The following MYCBP2 variants were observed in gnomAD, a reference collection of about 807,000 sequenced individuals.
The protein encoded by MYCBP2 is MYC binding protein 2, also known as E3 ubiquitin-protein ligase MYCBP2.
A neutral mutation model predicts 525.3 loss-of-function variants in MYCBP2; 120 were observed. The observed-to-expected ratio is 0.23, with a 90% CI of 0.20 to 0.27. The LOEUF is 0.27. Among genes scored for constraint, MYCBP2 ranks in the 10% least tolerant of loss-of-function variants. The pLI, the probability that MYCBP2 is intolerant of heterozygous loss-of-function variation, is 1.00. For missense variants in MYCBP2, 4,149 were observed against 5,657.1 expected (o/e 0.73, Z 8.55); for synonymous variants, 1,894 against 1,955.8 (o/e 0.97, Z 0.83).
intron 3 of MYCBP2, 87 bp downstream of exon 3, chr13:77,288,074 A>C: frequency 7.6e-7 from 1 of 1,309,886 alleles, no homozygotes; most frequent in Non-Finnish European, 1.1e-6. Context: ...ACATAAAGCA[A>C]AGTATTTTAG....
intron 80 of MYCBP2, among the ~76,000 whole-genome samples, chr13:77,054,096 C>T (rs979861778): frequency 4.0e-5 from 6 of 151,734 alleles, no homozygotes; most frequent in Admixed American, 6.6e-5. Context: ...AGCTGAAGCC[C>T]GAGGTATGAC....
intron 1 of MYCBP2, among the ~76,000 whole-genome samples, chr13:77,311,913 G>A (rs1229657936): frequency 6.6e-6 from 1 of 152,002 alleles, no homozygotes; most frequent in East Asian, 1.9e-4. Context: ...TCTTCAAAGA[G>A]GATAAACTTA....
At chr13:77,262,734 T>G (rs1199005981) in intron 10 of MYCBP2, among the ~76,000 whole-genome samples, 1 of 152,034 alleles carries the variant, frequency 6.6e-6, no homozygotes, top group Non-Finnish European at 1.5e-5. Flanking sequence ...TATGCATATT[T>G]TCAAATTGTA....
intron 1 of MYCBP2, among the ~76,000 whole-genome samples, chr13:77,305,650 T>C (rs1430787757): frequency 6.6e-6 from 1 of 152,084 alleles, no homozygotes; most frequent in Admixed American, 6.5e-5. Context: ...GGTGAATTTA[T>C]GGTATGTGTA....
At chr13:77,289,409 C>T (rs2077233861) in intron 2 of MYCBP2, among the ~76,000 whole-genome samples, 1 of 151,550 alleles carries the variant, frequency 6.6e-6, no homozygotes, top group Non-Finnish European at 1.5e-5. Context: ...AATGCTGGCA[C>T]AACACTGGAA....
intron 33 of MYCBP2, among the ~76,000 whole-genome samples, chr13:77,180,641 G>A (rs2060130614): frequency 6.6e-6 from 1 of 152,016 alleles, no homozygotes; most frequent in South Asian, 2.1e-4. Context: ...AGCTTTTTTG[G>A]CTGGGCGTGG....
chr13:77,161,919 T>C lies in MYCBP2; in HGVS notation c.6584A>G (p.Glu2195Gly), dbSNP rs369775974. The C allele has an allele frequency of 3.1e-6, 5 of 1,608,832 alleles. No individual in the cohort carries two copies. The African/African-American group carries it at 6.7e-5, about 22-fold the overall frequency. ...ELEEDLEILE[E>G]AALQVCKTHS... The stretch of plus-strand genomic sequence containing the variant: ...TTGGGACAATACCTGCAATGCAGCC[T>C]CCTCAAGAATTTCAAGGTCTTCTTC... Residue 2195 changes from glutamate to glycine, a missense_variant, in exon 44 of 83, where the codon GAG becomes GGG. Coordinates refer to ENST00000544440, the MANE Select transcript of MYCBP2 (RefSeq NM_015057.5).
chr13:77,272,645 C>A (rs1037374160), intron 5 of MYCBP2, among the ~76,000 whole-genome samples: 5 of 151,988 alleles, frequency 3.3e-5, no homozygotes, highest in Admixed American at 2.0e-4. Context: ...TAAAAAGGGA[C>A]AAAAGGATTC....
rs767750508 is a variant in MYCBP2 at position 77,081,970 on chromosome 13, T to G, written c.11060A>C (p.Gln3687Pro). 1.9e-6 allele frequency: 3 copies of G among 1,613,224 alleles called. No homozygotes were observed. The highest frequency in any genetic ancestry group is 2.2e-5 in the South Asian group (2 of 90,976). ...CTGATGAAGGAACTGGTGATCAGAT[T>G]GCTTGAATTTGAGACTCCAGCACCT... ...ALRCWSLKFKQSDHQFLHQSN... is the reference protein window; with the variant it reads ...ALRCWSLKFKPSDHQFLHQSN... Residue 3687 changes from glutamine to proline, a missense_variant, in exon 64 of 83, where the codon CAA (glutamine) becomes CCA (proline). By Grantham distance (76) the Gln-to-Pro change is moderately conservative. Transcript: ENST00000544440. The surrounding 1 kb of genome is among the most constrained non-coding windows in gnomAD (Gnocchi z 4.6).
chr13:77,191,566 T>C (rs1205359222), intron 28 of MYCBP2, 113 bp downstream of exon 28: 12 of 1,232,762 alleles, frequency 9.7e-6, no homozygotes, highest in Admixed American at 2.5e-5. Flanking sequence ...AGTTATATTA[T>C]GCTCTAGTCT....
intron 26 of MYCBP2, among the ~76,000 whole-genome samples, chr13:77,204,998 T>C (rs1280605664): frequency 6.6e-6 from 1 of 151,720 alleles, no homozygotes; most frequent in Non-Finnish European, 1.5e-5. Context: ...TGTATACATA[T>C]GTAACTAACC....
intron 38 of MYCBP2, among the ~76,000 whole-genome samples, chr13:77,170,837 A>C (rs1298559898): frequency 6.6e-6 from 1 of 152,022 alleles, no homozygotes; most frequent in African/African-American, 2.4e-5. Context: ...GGCCTCCCAA[A>C]GTGCTGGGAT....
chr13:77,252,410 T>G (rs567884943), intron 14 of MYCBP2, among the ~76,000 whole-genome samples: 100 of 152,296 alleles, frequency 6.6e-4, no homozygotes, highest in African/African-American at 2.3e-3. Context: ...TATAATGTAG[T>G]AAGAAAGACA....
intron 69 of MYCBP2, among the ~76,000 whole-genome samples, chr13:77,069,130 A>G (rs1270505089): frequency 6.6e-6 from 1 of 152,168 alleles, no homozygotes; most frequent in East Asian, 1.9e-4. Context: ...CAATCACCAT[A>G]TTTTATCACT....
At chr13:77,322,432 A>G (rs2081782565) in intron 1 of MYCBP2, among the ~76,000 whole-genome samples, 1 of 152,136 alleles carries the variant, frequency 6.6e-6, no homozygotes. Flanking sequence ...CCTTTTTACC[A>G]TATAGTCAAA....
chr13:77,053,132 C>A, intron 80 of MYCBP2, among the ~76,000 whole-genome samples: 3 of 148,318 alleles, frequency 2.0e-5, no homozygotes, highest in African/African-American at 2.5e-5. Flanking sequence ...GGTGAGACCC[C>A]GTCTCAAAAA....
Position 77,097,493 on chromosome 13 carries a change from C to T in MYCBP2, c.9661G>A (p.Gly3221Ser). The change falls in exon 56 of 83, where the codon GGT (glycine) becomes AGT (serine). Residue 3221 changes from glycine to serine, a missense_variant. Gly to Ser is a moderately conservative substitution (Grantham distance 56). Transcript: ENST00000544440. ...TGGGCCATCTCTCCAAACAAATTAC[C>T]CCTGGGCCTAACTTCTGCCTTTTCT... ...KKEKAEVRPR[G>S]NLFGEMAQLA... is the part of the protein sequence containing the mutation. The T allele has an allele frequency of 1.9e-6, 3 of 1,613,084 alleles. No individual in the cohort carries two copies. Among genetic ancestry groups the T allele is most frequent in the Non-Finnish European group, 2.5e-6 (3 of 1,179,610 alleles).
rs1029158123 is a variant in MYCBP2, at chr13:77,205,587, T to C, written c.3601A>G (p.Thr1201Ala). Residue 1201 changes from threonine to alanine, a missense_variant, in exon 25 of 83, where the codon ACC (threonine) becomes GCC (alanine). Physicochemically the swap from Thr to Ala is moderately conservative, Grantham distance 58 (BLOSUM62 0). Coordinates refer to ENST00000544440, the MANE Select transcript of MYCBP2 (RefSeq NM_015057.5). ...AALHILGCLDTLAAMQDLKMG... is the reference protein window; with the variant it reads ...AALHILGCLDALAAMQDLKMG... ...TTTAAGTCCTGCATAGCTGCCAAGG[T>C]ATCAAGACAACCTAAAACAACAAAG... 2 of 1,611,096 alleles carry C rather than the reference T, an allele frequency of 1.2e-6. No homozygotes were observed. The highest frequency in any genetic ancestry group is 1.7e-6 in the Non-Finnish European group (2 of 1,179,168).
rs906179121 is a variant in MYCBP2 at position 77,146,292 on chromosome 13, T to C, written c.7132-75A>G. 6.0e-6 allele frequency: 6 copies of C among 1,004,964 alleles called. No homozygotes were observed. In the African/African-American group the frequency reaches 6.7e-5, roughly 11 times the overall value. 62.3% of individuals were successfully genotyped at this position (1,004,964 alleles called of 1,614,324 possible). A position where few individuals can be genotyped will look rare whatever the true frequency, so the allele number is the denominator to read the frequency against. On this transcript the variant is annotated intron_variant, in intron 47 of 82. Transcript: ENST00000544440. ...TCTCAATTAACAGAGTAATATATTA[T>C]TCAATAAATGGTTGTGAGACAACTG...
Sources: allele counts gnomAD v4.1 joint callset (sites outside exome capture counted in the v4.1 genomes callset), GRCh38; gene constraint gnomAD v4.1.1; non-coding constraint Gnocchi (gnomAD v3.1); transcripts MANE v1.5; gene names NCBI Gene and HGNC (gene_info 2026-07-23, HGNC 2026-07-21).